The following MS4A14 variants were observed in gnomAD, a reference collection of about 807,000 sequenced individuals.
The protein encoded by MS4A14 is membrane-spanning 4-domains subfamily A member 14.
A neutral mutation model predicts 16.7 loss-of-function variants in MS4A14; 18 were observed. The ratio of observed to expected loss-of-function variants is 1.08; its 90% CI spans 0.75 to 1.60. MS4A14 has a LOEUF of 1.60. Among genes scored for constraint, MS4A14 ranks in the 40% most tolerant of loss-of-function variants. The pLI, the probability that MS4A14 is intolerant of heterozygous loss-of-function variation, is 0.00. For synonymous variants in MS4A14, 305 were observed against 289.4 expected (o/e 1.05, Z -0.55); for missense variants, 812 against 775.3 (o/e 1.05, Z -0.56).
intron 4 of MS4A14, among the ~76,000 whole-genome samples, chr11:60,413,289 T>C (rs2085893638): frequency 6.6e-6 from 1 of 151,906 alleles, no homozygotes; most frequent in South Asian, 2.1e-4. Context: ...AATAAAGACA[T>C]TTTTACTCCC....
At chr11:60,405,371 G>GC (rs2085772573) in intron 4 of MS4A14, among the ~76,000 whole-genome samples, 1 of 152,126 alleles carries the variant, frequency 6.6e-6, no homozygotes, top group Middle Eastern at 3.2e-3. Flanking sequence ...GAGCCACCGC[G>GC]CCCGGCCAAC....
At position 60,415,954 on chromosome 11, in the gene MS4A14, G is replaced by C. The variant is rs766782093; in HGVS notation, c.986G>C (p.Gly329Ala). 1 of 1,613,774 alleles carries C rather than the reference G, an allele frequency of 6.2e-7. No individual in the cohort carries two copies. Among genetic ancestry groups the C allele is most frequent in the African/African-American group, 1.3e-5 (1 of 74,934 alleles). ...DLPSQALPVE[G>A]LSEQTMPSKS... ...CCATCCCAAGCTCTACCAGTAGAAG[G>C]CCTGTCAGAACAAACCATGCCATCT... Residue 329 changes from glycine (G) to alanine (A), a missense_variant, in exon 5 of 5, where the codon GGC becomes GCC. Physicochemically the swap from Gly to Ala is moderately conservative, Grantham distance 60. Coordinates refer to ENST00000300187, the MANE Select transcript of MS4A14 (RefSeq NM_032597.5).
intron 4 of MS4A14, chr11:60,404,443 T>G (rs2085758425): frequency 2.3e-6 from 1 of 427,810 alleles, no homozygotes; most frequent in African/African-American, 2.0e-5. Context: ...GAGCCATTAC[T>G]TAATGGCTTC....
chr11:60,413,043 A>G (rs922234637), intron 4 of MS4A14, among the ~76,000 whole-genome samples: 8 of 151,886 alleles, frequency 5.3e-5, no homozygotes, highest in Non-Finnish European at 1.2e-4. Context: ...ATTATTTACA[A>G]TGTATAAGCC....
In MS4A14 at chr11:60,417,579, T is replaced by A. The variant is rs1590825549; in HGVS notation, c.*571T>A. 1.3e-5 allele frequency: 2 copies of A among 152,228 alleles called. No individual in the cohort carries two copies. Among genetic ancestry groups the A allele is most frequent in the Non-Finnish European group, 2.9e-5 (2 of 68,100 alleles). The allele number at this position is 152,228 out of a possible 1,614,324, so 9.4% of individuals were successfully genotyped here. A position where few individuals can be genotyped will look rare whatever the true frequency, so the allele number is the denominator to read the frequency against. ...GGAAAAACAATATTGCCTCCTCCAA[T>A]CTGTGTTCTCAACTGTGGTTGCCAC... On this transcript the variant is annotated 3_prime_UTR_variant, in exon 5 of 5. Coordinates refer to ENST00000300187, the MANE Select transcript of MS4A14 (RefSeq NM_032597.5).
Position 60,416,594 on chromosome 11 carries a change from C to T in MS4A14, c.1626C>T (p.Ser542=), listed in dbSNP as rs1590824168. 1 of 1,613,802 alleles carries T rather than the reference C, an allele frequency of 6.2e-7. No individual in the cohort carries two copies. Among genetic ancestry groups the T allele is most frequent in the East Asian group, 2.2e-5 (1 of 44,874 alleles). The part of the protein sequence containing the change: ...SLDQQIKDWL[S]PKRHSVDKQA... ...ACCAGCAAATCAAAGACTGGCTATC[C>T]CCAAAGAGGCACTCCGTAGATAAGC... is the stretch of plus-strand genomic sequence containing the variant. Residue 542 remains serine (S), a synonymous_variant, in exon 5 of 5, where the codon TCC becomes TCT. Transcript: ENST00000300187.
Position 60,396,622 on chromosome 11 carries a change from C to T in MS4A14, c.44C>T (p.Thr15Ile). 6.2e-7 allele frequency: 1 copy of T among 1,613,974 alleles called. No homozygotes were observed. Among genetic ancestry groups the T allele is most frequent in the Non-Finnish European group, 8.5e-7 (1 of 1,179,924 alleles). ...GACAGAAGGGCAACTCACGTCATCA[C>T]TATAAAACCAAACGAAACTGTATTG... ...SQDRRATHVI[T>I]IKPNETVLTA... Residue 15 changes from threonine (T) to isoleucine (I), a missense_variant, in exon 1 of 5, where the codon ACT becomes ATT. By Grantham distance (89) the Thr-to-Ile change is moderately conservative. Transcript: ENST00000300187.
At chr11:60,400,864 C>T (rs1372835799) in intron 3 of MS4A14, among the ~76,000 whole-genome samples, 1 of 152,122 alleles carries the variant, frequency 6.6e-6, no homozygotes, top group Non-Finnish European at 1.5e-5. Context: ...AAGGCAGCCT[C>T]CCCCCAACAC....
In MS4A14 at chr11:60,416,165, C is replaced by T. The variant is rs757329265; in HGVS notation, c.1197C>T (p.Asp399=). 4 of 1,613,340 alleles carry T rather than the reference C, an allele frequency of 2.5e-6. No homozygotes were observed. Among genetic ancestry groups the T allele is most frequent in the Non-Finnish European group, 3.4e-6 (4 of 1,179,744 alleles). ...DTPSHAMPPQ[D]IPSQDMLSQA... ...CATCCCACGCCATGCCACCTCAAGA[C>T]ATACCTTCCCAAGATATGCTATCCC... The change falls in exon 5 of 5, where the codon GAC becomes GAT. Residue 399 remains aspartate, a synonymous_variant. Transcript: ENST00000300187.
chr11:60,398,098 G>A, intron 2 of MS4A14, 118 bp downstream of exon 2: 2 of 1,089,010 alleles, frequency 1.8e-6, no homozygotes, highest in Non-Finnish European at 2.6e-6. Flanking sequence ...AAAAAAGGCA[G>A]CTCCCTTCAC....
Position 60,415,943 on chromosome 11 carries a change from A to G in MS4A14, c.975A>G (p.Leu325=). The change falls in exon 5 of 5, where the codon CTA becomes CTG. Residue 325 remains leucine (L), a synonymous_variant. Transcript: ENST00000300187. ...ISPEDLPSQA[L]PVEGLSEQTM... Reference sequence around the variant, plus strand: ...CTGAAGACTTGCCATCCCAAGCTCTACCAGTAGAAGGCCTGTCAGAACAAA... The same window carrying G: ...CTGAAGACTTGCCATCCCAAGCTCTGCCAGTAGAAGGCCTGTCAGAACAAA... 1 of 1,614,042 alleles carries G rather than the reference A, an allele frequency of 6.2e-7. No individual in the cohort carries two copies. Among genetic ancestry groups the G allele is most frequent in the East Asian group, 2.2e-5 (1 of 44,880 alleles).
intron 4 of MS4A14, chr11:60,406,039 T>A (rs2085781625): frequency 8.8e-7 from 1 of 1,132,412 alleles, no homozygotes; most frequent in Admixed American, 3.2e-5. Flanking sequence ...CCTGTTCCTG[T>A]TGGGATACTG....
In MS4A14 at chr11:60,416,889, T is replaced by C; in HGVS notation, c.1921T>C (p.Cys641Arg). Residue 641 changes from cysteine (C) to arginine (R), a missense_variant, in exon 5 of 5, where the codon TGC (cysteine) becomes CGC (arginine). Transcript: ENST00000300187. ...AQVEKVPKLL[C>R]QDSESQIQQY... is the part of the protein sequence containing the mutation. ...GGTGGAGAAAGTGCCAAAACTGTTA[T>C]GCCAAGATTCAGAATCCCAAATACA... 4 of 1,613,782 alleles carry C rather than the reference T, an allele frequency of 2.5e-6. No individual in the cohort carries two copies. Among genetic ancestry groups the C allele is most frequent in the Non-Finnish European group, 3.4e-6 (4 of 1,179,798 alleles).
intron 4 of MS4A14, among the ~76,000 whole-genome samples, chr11:60,408,450 C>G (rs1453482739): frequency 6.6e-6 from 1 of 152,168 alleles, no homozygotes; most frequent in East Asian, 1.9e-4. Flanking sequence ...TACCACAAAA[C>G]AATCACTCCC....
chr11:60,417,698 T>A lies in MS4A14; in HGVS notation c.*690T>A, dbSNP rs1423388134. 1 of 151,604 alleles carries A rather than the reference T, an allele frequency of 6.6e-6. No individual in the cohort carries two copies. The highest frequency in any genetic ancestry group is 1.5e-5 in the Non-Finnish European group (1 of 68,030). The allele number at this position is 151,604 out of a possible 1,614,324, so 9.4% of individuals were successfully genotyped here. ...ATGACAACAAACCAAATGTTAACAC[T>A]GTATCATCACTTTATGTATGTGAAG... is the stretch of plus-strand genomic sequence containing the variant. On this transcript the variant is annotated 3_prime_UTR_variant, in exon 5 of 5. Transcript: ENST00000300187.
Position 60,396,542 on chromosome 11 carries a change from C to T in MS4A14, c.-37C>T, listed in dbSNP as rs1329247144. ...ATCATGATTTGGGCGGCAATGTTTG[C>T]TCACTCTTTCCCTTACTAGAGTTCT... On this transcript the variant is annotated 5_prime_UTR_variant, in exon 1 of 5. Transcript: ENST00000300187. 1.2e-6 allele frequency: 2 copies of T among 1,603,086 alleles called. No individual in the cohort carries two copies. The highest frequency in any genetic ancestry group is 3.4e-5 in the Admixed American group (2 of 59,008).
At chr11:60,406,660 C>A (rs1157885710) in intron 4 of MS4A14, among the ~76,000 whole-genome samples, 8 of 152,282 alleles carry the variant, frequency 5.3e-5, no homozygotes, top group Non-Finnish European at 1.5e-5. Context: ...GATTTCATTT[C>A]TCTCTCTAGC....
chr11:60,397,318 A>G (rs1395067880), intron 1 of MS4A14, among the ~76,000 whole-genome samples: 1 of 152,104 alleles, frequency 6.6e-6, no homozygotes, highest in Non-Finnish European at 1.5e-5. Context: ...GGGTCCATGG[A>G]TGAAGGGGAG....
rs902526505 is a variant in MS4A14, at chr11:60,400,555, T to C, written c.318+101T>C. 1.6e-5 allele frequency: 12 copies of C among 749,438 alleles called. No homozygotes were observed. The Admixed American group carries it at 2.9e-4, about 18-fold the overall frequency. The allele number at this position is 749,438 out of a possible 1,614,324, so 46.4% of individuals were successfully genotyped here. On this transcript the variant is annotated intron_variant, in intron 3 of 4. Coordinates refer to ENST00000300187, the MANE Select transcript of MS4A14 (RefSeq NM_032597.5). ...AATAAAGTTACCTTTCAGGAAAATCTGTATGCATCAAAGTTGCAGTTCAGA... is the reference window on the plus strand; with the variant it reads ...AATAAAGTTACCTTTCAGGAAAATCCGTATGCATCAAAGTTGCAGTTCAGA...
Sources: allele counts gnomAD v4.1 joint callset (sites outside exome capture counted in the v4.1 genomes callset), GRCh38; gene constraint gnomAD v4.1.1; transcripts MANE v1.5; gene names NCBI Gene and HGNC (gene_info 2026-07-23, HGNC 2026-07-21).